Variants in CNOT2 observed in about 807,000 individuals in gnomAD.
CNOT2 encodes CCR4-NOT transcription complex subunit 2.
In CNOT2, 7 loss-of-function variants were observed where a neutral mutation model predicts 72.1. That is an observed-to-expected ratio of 0.10 (90% CI 0.06 to 0.18). The LOEUF (loss-of-function observed/expected upper bound fraction) is 0.18, where lower values mean the gene tolerates loss of function less well. Among genes scored for constraint, CNOT2 ranks in the 10% least tolerant of loss-of-function variants. The pLI is 1.00. For synonymous variants in CNOT2, 196 were observed against 225.6 expected (o/e 0.87, Z 1.17); for missense variants, 345 against 660.3 (o/e 0.52, Z 5.23).
At chr12:70,308,832 A>G (rs775979119) in intron 2 of CNOT2, among the ~76,000 whole-genome samples, 1 of 152,254 alleles carries the variant, frequency 6.6e-6, no homozygotes, top group East Asian at 1.9e-4. Context: ...GAGTTTATCA[A>G]TTTGAGCTTA....
intron 5 of CNOT2, 102 bp downstream of exon 5, chr12:70,329,672 C>A: frequency 2.5e-6 from 2 of 809,106 alleles, no homozygotes; most frequent in Admixed American, 2.0e-5. Flanking sequence ...TTTTCTGGTT[C>A]AGTGCCTTTC....
At chr12:70,292,599 A>C (rs182870149) in intron 2 of CNOT2, among the ~76,000 whole-genome samples, 22 of 152,342 alleles carry the variant, frequency 1.4e-4, no homozygotes, top group Non-Finnish European at 2.8e-4. Flanking sequence ...TGGCAGGAGC[A>C]CATGAAGAGA....
At chr12:70,328,007 C>T (rs1344057215) in intron 4 of CNOT2, among the ~76,000 whole-genome samples, 3 of 151,808 alleles carry the variant, frequency 2.0e-5, no homozygotes, top group Non-Finnish European at 4.4e-5. Flanking sequence ...CTCATAGTCA[C>T]AAAACTTACG....
intron 2 of CNOT2, among the ~76,000 whole-genome samples, chr12:70,280,957 C>G (rs773610147): frequency 2.0e-5 from 3 of 152,128 alleles, no homozygotes; most frequent in Non-Finnish European, 4.4e-5. Flanking sequence ...CAAGGAAATG[C>G]ACCTTCAGTT....
intron 1 of CNOT2, among the ~76,000 whole-genome samples, chr12:70,250,619 T>C (rs919412616): frequency 2.0e-5 from 3 of 151,958 alleles, no homozygotes; most frequent in African/African-American, 7.3e-5. Flanking sequence ...CAGCAATTGA[T>C]TAGAAATGGA....
chr12:70,264,390 T>C (rs754897682), intron 1 of CNOT2, among the ~76,000 whole-genome samples: 10 of 152,230 alleles, frequency 6.6e-5, no homozygotes, highest in Non-Finnish European at 1.5e-4. Context: ...TCTTTTCTTT[T>C]TGGGAGGCTT....
intron 11 of CNOT2, among the ~76,000 whole-genome samples, chr12:70,341,359 A>G (rs1881485944): frequency 6.6e-6 from 1 of 152,152 alleles, no homozygotes; most frequent in South Asian, 2.1e-4. Flanking sequence ...GAGTTCCCTC[A>G]GACTAGAAGA....
In CNOT2 at chr12:70,335,475, T is replaced by C. The variant is rs1185307508; in HGVS notation, c.687T>C (p.Asp229=). ...ATGTGACAGGATTGGACCTTTCAGATTTCCCAGCATTAGCAGACCGAAACA... is the reference window on the plus strand; with the variant it reads ...ATGTGACAGGATTGGACCTTTCAGACTTCCCAGCATTAGCAGACCGAAACA... ...SENVTGLDLS[D]FPALADRNRR... Residue 229 remains aspartate, a synonymous_variant, in exon 8 of 16, where the codon GAT becomes GAC. Coordinates refer to ENST00000229195, the MANE Select transcript of CNOT2 (RefSeq NM_014515.7). The C allele has an allele frequency of 2.5e-6, 4 of 1,606,138 alleles. No homozygotes were observed. Among genetic ancestry groups the C allele is most frequent in the Non-Finnish European group, 3.4e-6 (4 of 1,173,064 alleles).
chr12:70,294,979 A>G (rs1364056409), intron 2 of CNOT2, among the ~76,000 whole-genome samples: 1 of 151,784 alleles, frequency 6.6e-6, no homozygotes, highest in Non-Finnish European at 1.5e-5. Context: ...AGATGCCAAC[A>G]CTCCTGGCAT....
chr12:70,246,669 C>T (rs1957891146), intron 1 of CNOT2, among the ~76,000 whole-genome samples: 1 of 152,142 alleles, frequency 6.6e-6, no homozygotes, highest in Non-Finnish European at 1.5e-5. Flanking sequence ...AAGTTGATGT[C>T]ATTGTAGAAA....
chr12:70,334,163 G>A (rs188053207), intron 7 of CNOT2, among the ~76,000 whole-genome samples: 20 of 152,002 alleles, frequency 1.3e-4, no homozygotes, highest in Admixed American at 3.3e-4. Context: ...CTAAAGATAT[G>A]TATTAAAAGT....
intron 1 of CNOT2, among the ~76,000 whole-genome samples, chr12:70,276,574 T>C (rs1486646016): frequency 1.3e-5 from 2 of 151,978 alleles, no homozygotes; most frequent in Non-Finnish European, 2.9e-5. Context: ...ATCGTGAAAA[T>C]TTGAGTTGGA....
At chr12:70,244,928 G>A (rs1027173094) in intron 1 of CNOT2, among the ~76,000 whole-genome samples, 2 of 152,164 alleles carry the variant, frequency 1.3e-5, no homozygotes, top group Non-Finnish European at 2.9e-5. Context: ...CAATATAAAT[G>A]GAAAGAATAA....
chr12:70,296,584 A>G (rs1211836454), intron 2 of CNOT2, among the ~76,000 whole-genome samples: 2 of 151,808 alleles, frequency 1.3e-5, no homozygotes, highest in East Asian at 1.9e-4. Flanking sequence ...TTATACCTAT[A>G]TCATATTAAA....
At position 70,337,521 on chromosome 12, in the gene CNOT2, A is replaced by G. The variant is rs1324209747; in HGVS notation, c.900+8A>G. On this transcript the variant is annotated splice_region_variant and intron_variant, in intron 9 of 15. Transcript: ENST00000229195. ...AATGATGACAGTAAATCTGTAAGTA[A>G]CTGAGAAGTGTGTATGTGAGTGATG... is the stretch of plus-strand genomic sequence containing the variant. 1.9e-6 allele frequency: 3 copies of G among 1,610,702 alleles called. No individual in the cohort carries two copies. Among genetic ancestry groups the G allele is most frequent in the Non-Finnish European group, 2.5e-6 (3 of 1,177,658 alleles).
At chr12:70,264,760 C>T (rs768064483) in intron 1 of CNOT2, among the ~76,000 whole-genome samples, 1 of 152,036 alleles carries the variant, frequency 6.6e-6, no homozygotes, top group Non-Finnish European at 1.5e-5. Context: ...TTATGCTGAG[C>T]GGGCAGAGGG....
chr12:70,344,433 A>G (rs1274693564), intron 14 of CNOT2: 4 of 461,552 alleles, frequency 8.7e-6, no homozygotes, highest in South Asian at 3.5e-5. Flanking sequence ...AAGAATTTCA[A>G]ACTTAATGCT....
intron 1 of CNOT2, among the ~76,000 whole-genome samples, chr12:70,268,793 A>T: frequency 6.6e-6 from 1 of 152,056 alleles, no homozygotes; most frequent in Non-Finnish European, 1.5e-5. Flanking sequence ...TCCTGTTTCT[A>T]TGTAGTGGGA....
At chr12:70,255,803 G>A (rs1228582803) in intron 1 of CNOT2, among the ~76,000 whole-genome samples, 1 of 151,916 alleles carries the variant, frequency 6.6e-6, no homozygotes, top group Non-Finnish European at 1.5e-5. Context: ...ATTAACTAAG[G>A]CAAATAATTT....
Sources: allele counts gnomAD v4.1 joint callset (sites outside exome capture counted in the v4.1 genomes callset), GRCh38; gene constraint gnomAD v4.1.1; transcripts MANE v1.5; gene names NCBI Gene and HGNC (gene_info 2026-07-23, HGNC 2026-07-21).